ZNF385C: variants seen among roughly 807,000 people sequenced by gnomAD.
ZNF385C encodes the protein CTD-2132N18.2.
In ZNF385C, 28 loss-of-function variants were observed where a neutral mutation model predicts 35.4. The observed-to-expected ratio is 0.79, with a 90% CI of 0.59 to 1.08. The LOEUF (loss-of-function observed/expected upper bound fraction) is 1.08, where lower values mean the gene tolerates loss of function less well. ZNF385C is among the 50% of genes least tolerant of loss of function. The probability of loss-of-function intolerance (pLI) is 0.00; values close to 1 mark genes in which losing one functional copy is unlikely to be tolerated. For synonymous variants in ZNF385C, 248 were observed against 248.2 expected (o/e 1.00, Z 0.01); for missense variants, 605 against 595.6 (o/e 1.02, Z -0.16).
chr17:42,038,632 A>G (rs1395142815), intron 2 of ZNF385C: 1 of 152,318 alleles, frequency 6.6e-6, no homozygotes, highest in Non-Finnish European at 1.5e-5. Context: ...AATCCAGCCC[A>G]TCTGGGGCTT....
At chr17:42,087,782 G>C (rs1396123732) in intron 1 of ZNF385C, among the ~76,000 whole-genome samples, 1 of 152,156 alleles carries the variant, frequency 6.6e-6, no homozygotes, top group East Asian at 1.9e-4. Flanking sequence ...AATAACCATA[G>C]TCCTTGCCTT....
intron 2 of ZNF385C, chr17:42,040,913 G>A: frequency 8.1e-7 from 1 of 1,232,222 alleles, no homozygotes; most frequent in Non-Finnish European, 1.0e-6. Context: ...CGCTCACTGG[G>A]GAGGCTTGAG....
intron 5 of ZNF385C, among the ~76,000 whole-genome samples, chr17:42,030,745 T>A (rs2052707689): frequency 1.3e-5 from 2 of 152,106 alleles, no homozygotes; most frequent in African/African-American, 4.8e-5. Context: ...GAGGTCATGC[T>A]GGGTTCGGGT....
chr17:42,040,909 C>G, intron 2 of ZNF385C: 1 of 1,232,250 alleles, frequency 8.1e-7, no homozygotes, highest in Non-Finnish European at 1.0e-6. Flanking sequence ...CAGGCGCTCA[C>G]TGGGGAGGCT....
rs2052732633 is a variant in ZNF385C, at chr17:42,031,679, C to A, written c.616G>T (p.Ala206Ser). ...QRPHTQAQDG[A>S]VVSPIPTLAS... ...AGCGTTGGGATTGGGGACACTACAGCCCCATCCTGGGCCTGGGTGTGTGGC... is the reference window on the plus strand; with the variant it reads ...AGCGTTGGGATTGGGGACACTACAGACCCATCCTGGGCCTGGGTGTGTGGC... The change falls in exon 5 of 9, where the codon GCT becomes TCT. Residue 206 changes from alanine to serine, a missense_variant. By Grantham distance (99) the Ala-to-Ser change is moderately conservative. Transcript: ENST00000692273. The A allele has an allele frequency of 6.4e-7, 1 of 1,550,666 alleles. No individual in the cohort carries two copies. The highest frequency in any genetic ancestry group is 8.7e-7 in the Non-Finnish European group (1 of 1,147,008).
At chr17:42,040,815 G>A in intron 2 of ZNF385C, 1 of 1,232,292 alleles carries the variant, frequency 8.1e-7, no homozygotes, top group African/African-American at 1.5e-5. Flanking sequence ...AGTAGGCCGG[G>A]GGCTCAGGAT....
chr17:42,035,542 C>A (rs1186628111), intron 3 of ZNF385C, among the ~76,000 whole-genome samples: 2 of 105,598 alleles, frequency 1.9e-5, no homozygotes, highest in African/African-American at 3.9e-5. Flanking sequence ...TGCTGACGAC[C>A]TTTTTTTTTT....
At chr17:42,078,322 G>T (rs889900882) in intron 1 of ZNF385C, among the ~76,000 whole-genome samples, 12 of 152,120 alleles carry the variant, frequency 7.9e-5, no homozygotes, top group African/African-American at 1.2e-4. Context: ...AGATGTAAAA[G>T]GAAAGGGCTG....
intron 2 of ZNF385C, chr17:42,039,888 G>C: frequency 1.6e-6 from 2 of 1,231,504 alleles, no homozygotes; most frequent in Non-Finnish European, 2.0e-6. Flanking sequence ...GGCCGACCTT[G>C]TCCAGCAGGC....
At chr17:42,071,134 C>T (rs534665439) in intron 1 of ZNF385C, among the ~76,000 whole-genome samples, 3 of 152,240 alleles carry the variant, frequency 2.0e-5, no homozygotes, top group East Asian at 1.9e-4. Context: ...ACAGGAGGCC[C>T]GGGGGCTAGG....
At chr17:42,049,091 A>G (rs1418804082) in intron 2 of ZNF385C, among the ~76,000 whole-genome samples, 4 of 151,910 alleles carry the variant, frequency 2.6e-5, no homozygotes, top group African/African-American at 9.7e-5. Flanking sequence ...CTTCCTAGTA[A>G]CACCACCCTT....
Position 42,091,381 on chromosome 17 carries a change from G to C in ZNF385C, c.-3+7029C>G, listed in dbSNP as rs147139803. Among the ~76,000 whole-genome samples, 257 of 152,300 alleles carry C rather than the reference G, an allele frequency of 1.7e-3. 1 individual carries two copies. The highest frequency in any genetic ancestry group is 5.8e-3 in the African/African-American group (242 of 41,560). On this transcript the variant is annotated intron_variant, in intron 1 of 8. Transcript: ENST00000692273. ...GGATTGCTTGGGCCTGGGAGGCGGA[G>C]GCTGCGGTGAGCTGTTATCGCACCA...
intron 2 of ZNF385C, chr17:42,040,355 T>G: frequency 8.1e-7 from 1 of 1,231,796 alleles, no homozygotes; most frequent in Non-Finnish European, 1.0e-6. Flanking sequence ...TCAGGGTCCA[T>G]GGATGCCAGT....
At chr17:42,046,869 T>A (rs2053171978) in intron 2 of ZNF385C, among the ~76,000 whole-genome samples, 1 of 151,884 alleles carries the variant, frequency 6.6e-6, no homozygotes, top group African/African-American at 2.4e-5. Context: ...TTTCCTTTTT[T>A]TTTTTTTTTA....
intron 1 of ZNF385C, among the ~76,000 whole-genome samples, chr17:42,085,271 C>T (rs2053794493): frequency 6.6e-6 from 1 of 151,740 alleles, no homozygotes; most frequent in African/African-American, 2.4e-5. Flanking sequence ...GTCTGCAAAA[C>T]ATTTTTTTTT....
rs1352934454 is a variant in ZNF385C, at chr17:42,050,782, C to G, written c.250+12025G>C. 6.6e-6 allele frequency among the ~76,000 whole-genome samples: 1 copy of G among 151,292 alleles called. No homozygotes were observed. The highest frequency in any genetic ancestry group is 2.4e-5 in the African/African-American group (1 of 41,344). On this transcript the variant is annotated intron_variant, in intron 2 of 8. Coordinates refer to ENST00000692273, the MANE Select transcript of ZNF385C (RefSeq NM_001392013.1). This position sits in a 1 kb window ranked among gnomAD's most constrained non-coding sequence, Gnocchi z 5.6. ...GCTCAGCCCGGCCCCGGCCCCACCC[C>G]CCAGCCCCTGCCGCCCCACGCGCGG...
rs2052557292 is a variant in ZNF385C, at chr17:42,025,603, A to C, written c.*1294T>G. ...GGGCTTCAAGTTCATTTATTGATGCATTGGTTGGACACAATAAAACCACAA... is the reference window on the plus strand; with the variant it reads ...GGGCTTCAAGTTCATTTATTGATGCCTTGGTTGGACACAATAAAACCACAA... On this transcript the variant is annotated 3_prime_UTR_variant, in exon 9 of 9. Transcript: ENST00000692273. 1 of 152,556 alleles carries C rather than the reference A, an allele frequency of 6.6e-6. No individual in the cohort carries two copies. The highest frequency in any genetic ancestry group is 1.5e-5 in the Non-Finnish European group (1 of 68,028). The allele number at this position is 152,556 out of a possible 1,614,324, so 9.5% of individuals were successfully genotyped here. A position where few individuals can be genotyped will look rare whatever the true frequency, so the allele number is the denominator to read the frequency against.
At chr17:42,094,834 G>A (rs573063548) in intron 1 of ZNF385C, among the ~76,000 whole-genome samples, 20 of 152,310 alleles carry the variant, frequency 1.3e-4, no homozygotes, top group Admixed American at 7.8e-4. Flanking sequence ...AACCGCTGCC[G>A]GCATCTGGCC....
intron 1 of ZNF385C, among the ~76,000 whole-genome samples, chr17:42,089,672 A>G (rs1259029301): frequency 1.3e-5 from 2 of 152,242 alleles, no homozygotes; most frequent in African/African-American, 4.8e-5. Context: ...TAAATCTTCC[A>G]AAATGGAATG....
Sources: gnomAD v4.1 joint callset for allele counts (sites outside exome capture counted in the v4.1 genomes callset) on GRCh38, gnomAD v4.1.1 for gene constraint, Gnocchi (gnomAD v3.1) non-coding constraint, MANE v1.5 for transcripts, NCBI Gene and HGNC (gene_info 2026-07-23, HGNC 2026-07-21) for gene names.